TCHP: variants seen among roughly 807,000 people sequenced by gnomAD.
TCHP encodes trichoplein keratin filament binding.
Under a neutral mutation model 88.7 loss-of-function variants are expected in TCHP, and 81 were observed. That is an observed-to-expected ratio of 0.91 (90% CI 0.76 to 1.10). TCHP has a LOEUF of 1.10. TCHP is among the 50% of genes least tolerant of loss of function. The pLI is 0.00. For synonymous variants in TCHP, 232 were observed against 232.5 expected (o/e 1.00, Z 0.02); for missense variants, 641 against 632.1 (o/e 1.01, Z -0.15).
the TCHP span, among the ~76,000 whole-genome samples, chr12:109,882,260 C>T: frequency 6.6e-6 from 1 of 151,384 alleles, no homozygotes; most frequent in South Asian, 2.1e-4. Flanking sequence ...GGTGAAACCC[C>T]ATCTCTACTA....
At chr12:109,915,163 T>A in intron 11 of TCHP, 1 of 595,740 alleles carries the variant, frequency 1.7e-6, no homozygotes. Context: ...ATACAGCCTC[T>A]CCAGCTTTCC....
At position 109,903,862 on chromosome 12, in the gene TCHP, T is replaced by TA; in HGVS notation, c.189-74dup. ...ATGACACATCTACCTCAGCCTCTTT[T>TA]ACCGACACAGCAGAGCAGAGCACGT... is the stretch of plus-strand genomic sequence containing the variant. On this transcript the variant is annotated intron_variant, in intron 2 of 12. Transcript: ENST00000405876. The surrounding 1 kb of genome is among the most constrained non-coding windows in gnomAD (Gnocchi z 4.6). 3.2e-6 allele frequency: 4 copies of TA among 1,266,034 alleles called. No homozygotes were observed. The highest frequency in any genetic ancestry group is 4.5e-6 in the Non-Finnish European group (4 of 890,080). The allele number at this position is 1,266,034 out of a possible 1,614,324, so 78.4% of individuals were successfully genotyped here.
intron 3 of TCHP, 59 bp downstream of exon 3, chr12:109,904,206 G>A: frequency 6.8e-7 from 1 of 1,476,128 alleles, no homozygotes; most frequent in Non-Finnish European, 9.2e-7. Flanking sequence ...GCCTGAGTGT[G>A]TCGCACATGT....
intron 5 of TCHP, among the ~76,000 whole-genome samples, chr12:109,906,952 G>A (rs748414712): frequency 3.4e-4 from 51 of 152,214 alleles, no homozygotes; most frequent in Non-Finnish European, 6.3e-4. Context: ...GCAGTGGCGC[G>A]ACTCACAGCT....
intron 6 of TCHP, 84 bp from the exon 7 acceptor site, chr12:109,908,502 C>T (rs1357743846): frequency 2.5e-5 from 31 of 1,226,176 alleles, no homozygotes; most frequent in East Asian, 1.0e-4. Context: ...GTAGTGTCTG[C>T]GAAAAATGGA....
the TCHP span, among the ~76,000 whole-genome samples, chr12:109,891,464 A>C: frequency 6.9e-6 from 1 of 144,236 alleles, no homozygotes; most frequent in Admixed American, 7.0e-5. Context: ...CAATCTCCCC[A>C]CTCACAGCAA....
At chr12:109,909,261 G>C (rs1309140942) in intron 8 of TCHP, among the ~76,000 whole-genome samples, 1 of 152,184 alleles carries the variant, frequency 6.6e-6, no homozygotes, top group African/African-American at 2.4e-5. Flanking sequence ...CAGTGTCTGT[G>C]TGTATACATA....
In TCHP at chr12:109,908,598, A is replaced by G. The variant is rs750400295; in HGVS notation, c.712A>G (p.Lys238Glu). Reference sequence around the variant, plus strand: ...ATCATCACCACAGGCGACCAAACTAAAGAAGGAGCAGGAGAATCTGTTGAA... The same window carrying G: ...ATCATCACCACAGGCGACCAAACTAGAGAAGGAGCAGGAGAATCTGTTGAA... ...KLKEVEATKL[K>E]KEQENLLKQR... The change falls in exon 7 of 13, where the codon AAG becomes GAG. Residue 238 changes from lysine to glutamate, a missense_variant. By Grantham distance (56) the Lys-to-Glu change is moderately conservative. Coordinates refer to ENST00000405876, the MANE Select transcript of TCHP (RefSeq NM_001143852.2). The G allele has an allele frequency of 1.6e-5, 25 of 1,599,356 alleles. No homozygotes were observed. Among genetic ancestry groups the G allele is most frequent in the Non-Finnish European group, 2.1e-5 (25 of 1,174,530 alleles).
chr12:109,912,237 G>C (rs1265959144), intron 9 of TCHP, among the ~76,000 whole-genome samples: 1 of 152,152 alleles, frequency 6.6e-6, no homozygotes. Context: ...ACACTGTGCC[G>C]GGTGCTTTAC....
chr12:109,881,746 A>G, the TCHP span, among the ~76,000 whole-genome samples: 1 of 152,136 alleles, frequency 6.6e-6, no homozygotes, highest in East Asian at 1.9e-4. Flanking sequence ...TGTCTCTCCA[A>G]CAGCCCAGGG....
chr12:109,906,864 T>C (rs1480619446), intron 5 of TCHP, among the ~76,000 whole-genome samples: 1 of 152,142 alleles, frequency 6.6e-6, no homozygotes, highest in Non-Finnish European at 1.5e-5. Context: ...TGACCAGGGC[T>C]GGGAGGTGGC....
chr12:109,913,475 T>G (rs1037741651), intron 10 of TCHP, among the ~76,000 whole-genome samples: 3 of 152,212 alleles, frequency 2.0e-5, no homozygotes, highest in African/African-American at 7.2e-5. Context: ...TGCCTTTCCA[T>G]TCCCTCTTAT....
In TCHP at chr12:109,913,074, T is replaced by TAATCCC. The variant is rs1453900999; in HGVS notation, c.1134+4_1134+9dup. The TAATCCC allele has an allele frequency of 1.2e-5, 20 of 1,613,544 alleles. No individual in the cohort carries two copies. The highest frequency in any genetic ancestry group is 1.5e-5 in the Non-Finnish European group (18 of 1,179,970). ...GCACGGGACAGACTGATGAGCGAGG[T>TAATCCC]AATCCCAGCTGCGGCGATGTGGACC... is the stretch of plus-strand genomic sequence containing the variant. On this transcript the variant is annotated splice_region_variant and intron_variant, in intron 10 of 12. Coordinates refer to ENST00000405876, the MANE Select transcript of TCHP (RefSeq NM_001143852.2).
chr12:109,893,219 A>G, the TCHP span, among the ~76,000 whole-genome samples: 1 of 152,074 alleles, frequency 6.6e-6, no homozygotes, highest in African/African-American at 2.4e-5. Context: ...GTCTCTACTA[A>G]AAATACAAAA....
rs1306551669 is a variant in TCHP at position 109,911,182 on chromosome 12, G to A, written c.999G>A (p.Glu333=). The stretch of plus-strand genomic sequence containing the variant: ...TGGCCTGGATGAAGCAGGCCATTGA[G>A]GAGCAGCTGCAGCTGGAGCGGGCGC... ...ADVAWMKQAI[E]EQLQLERARE... The change falls in exon 9 of 13, where the codon GAG becomes GAA. Residue 333 remains glutamate, a synonymous_variant. Coordinates refer to ENST00000405876, the MANE Select transcript of TCHP (RefSeq NM_001143852.2). 1.9e-6 allele frequency: 3 copies of A among 1,591,298 alleles called. No individual in the cohort carries two copies. Among genetic ancestry groups the A allele is most frequent in the Non-Finnish European group, 2.6e-6 (3 of 1,171,482 alleles).
Position 109,912,985 on chromosome 12 carries a change from G to C in TCHP, c.1053-6G>C, listed in dbSNP as rs777035699. The C allele has an allele frequency of 3.1e-6, 5 of 1,613,796 alleles. No homozygotes were observed. Among genetic ancestry groups the C allele is most frequent in the Non-Finnish European group, 4.2e-6 (5 of 1,179,892 alleles). The stretch of plus-strand genomic sequence containing the variant: ...GCCTGCTGTCATCCCTTTTGTGTTT[G>C]CCCAGGGAGGAGGCCAAGGAGATGT... On this transcript the variant is annotated splice_region_variant and splice_polypyrimidine_tract_variant and intron_variant, in intron 9 of 12. Transcript: ENST00000405876.
chr12:109,904,838 C>T, intron 4 of TCHP, 45 bp downstream of exon 4: 1 of 1,551,098 alleles, frequency 6.4e-7, no homozygotes, highest in East Asian at 2.2e-5. Flanking sequence ...TAGATGAAAT[C>T]ATGTTTCCAG....
At chr12:109,901,441 C>G (rs551042178) in intron 1 of TCHP, among the ~76,000 whole-genome samples, 1 of 150,714 alleles carries the variant, frequency 6.6e-6, no homozygotes. Context: ...CCCTCATTTA[C>G]AAGACATCAA....
chr12:109,880,882 A>T, the TCHP span, among the ~76,000 whole-genome samples: 43 of 152,158 alleles, frequency 2.8e-4, no homozygotes, highest in African/African-American at 9.9e-4. This position sits in a 1 kb window ranked among gnomAD's most constrained non-coding sequence, Gnocchi z 5.1. Flanking sequence ...GTTTCCCCCA[A>T]AATTGTACCC....
Sources: allele counts gnomAD v4.1 joint callset (sites outside exome capture counted in the v4.1 genomes callset), GRCh38; gene constraint gnomAD v4.1.1; non-coding constraint Gnocchi (gnomAD v3.1); transcripts MANE v1.5; gene names NCBI Gene and HGNC (gene_info 2026-07-23, HGNC 2026-07-21).